Variants in FGGY observed in about 807,000 individuals in gnomAD.
FGGY encodes FGGY carbohydrate kinase domain containing, also known as FGGY carbohydrate kinase domain-containing protein.
A neutral mutation model predicts 71.3 loss-of-function variants in FGGY; 72 were observed. The observed-to-expected ratio is 1.01, with a 90% CI of 0.84 to 1.23. FGGY has a LOEUF of 1.23. FGGY is among the 50% of genes most tolerant of loss of function. The pLI, the probability that FGGY is intolerant of heterozygous loss-of-function variation, is 0.00. For missense variants in FGGY, 668 were observed against 682.3 expected (o/e 0.98, Z 0.23); for synonymous variants, 251 against 250.3 (o/e 1.00, Z -0.02).
At chr1:59,582,695 G>T (rs762543341) in intron 8 of FGGY, among the ~76,000 whole-genome samples, 1 of 149,990 alleles carries the variant, frequency 6.7e-6, no homozygotes, top group Admixed American at 6.6e-5. Context: ...GTCATGGTGC[G>T]TATCCTTCTG....
At chr1:59,565,327 C>T (rs995928806) in intron 8 of FGGY, among the ~76,000 whole-genome samples, 47 of 152,048 alleles carry the variant, frequency 3.1e-4, no homozygotes, top group Admixed American at 2.0e-4. Context: ...CACTCTTGCT[C>T]AGGCTGGGGT....
chr1:59,596,528 T>C (rs1033758796), intron 8 of FGGY, among the ~76,000 whole-genome samples: 27 of 152,074 alleles, frequency 1.8e-4, no homozygotes, highest in Admixed American at 9.8e-4. Context: ...TAAGTCTTGG[T>C]TCTGCCCTAT....
intron 8 of FGGY, among the ~76,000 whole-genome samples, chr1:59,596,206 TA>T (rs1306063145): frequency 6.6e-6 from 1 of 152,076 alleles, no homozygotes; most frequent in African/African-American, 2.4e-5. Flanking sequence ...CTTTTTTTTT[TA>T]ACATGAGGCT....
intron 6 of FGGY, among the ~76,000 whole-genome samples, chr1:59,501,566 A>G (rs559874355): frequency 1.3e-5 from 2 of 152,180 alleles, no homozygotes; most frequent in South Asian, 2.1e-4. Flanking sequence ...AACTGTTTGC[A>G]TGGGTCTTGA....
intron 8 of FGGY, among the ~76,000 whole-genome samples, chr1:59,571,131 T>C (rs534545192): frequency 2.0e-5 from 3 of 152,298 alleles, no homozygotes; most frequent in African/African-American, 7.2e-5. Context: ...TCTGTGTTCA[T>C]TGCATTGACA....
chr1:59,639,566 T>C (rs1318522859), intron 11 of FGGY, among the ~76,000 whole-genome samples: 1 of 152,136 alleles, frequency 6.6e-6, no homozygotes, highest in Non-Finnish European at 1.5e-5. Flanking sequence ...GATAACCAAC[T>C]CTCTCTGTAA....
intron 11 of FGGY, among the ~76,000 whole-genome samples, chr1:59,658,707 A>G (rs1336258691): frequency 6.6e-6 from 1 of 152,206 alleles, no homozygotes; most frequent in East Asian, 1.9e-4. Flanking sequence ...GCATTTAAGA[A>G]CAGTCGATCT....
At chr1:59,593,927 A>G (rs2096488198) in intron 8 of FGGY, among the ~76,000 whole-genome samples, 1 of 152,198 alleles carries the variant, frequency 6.6e-6, no homozygotes, top group African/African-American at 2.4e-5. Context: ...CCTATCCCAT[A>G]TTAGGCAGCT....
At chr1:59,329,325 C>A (rs569922053) in intron 2 of FGGY, among the ~76,000 whole-genome samples, 2 of 152,160 alleles carry the variant, frequency 1.3e-5, no homozygotes, top group South Asian at 2.1e-4. Flanking sequence ...AAAAAAGGTA[C>A]CTTAATTAAA....
intron 5 of FGGY, among the ~76,000 whole-genome samples, chr1:59,449,382 C>T (rs1239284713): frequency 1.3e-5 from 2 of 152,186 alleles, no homozygotes; most frequent in South Asian, 2.1e-4. Flanking sequence ...CTTCCAGGTT[C>T]AAGCAATTCT....
chr1:59,542,936 G>T (rs1326235892), intron 7 of FGGY, among the ~76,000 whole-genome samples: 1 of 152,146 alleles, frequency 6.6e-6, no homozygotes, highest in African/African-American at 2.4e-5. Context: ...AGAGAAAGGA[G>T]AACCAAGCTT....
intron 9 of FGGY, among the ~76,000 whole-genome samples, chr1:59,611,502 T>G (rs1368316882): frequency 6.6e-6 from 1 of 152,058 alleles, no homozygotes; most frequent in South Asian, 2.1e-4. Flanking sequence ...AATCTGTACG[T>G]CACCATCATC....
At chr1:59,409,397 G>A (rs1027920580) in intron 5 of FGGY, among the ~76,000 whole-genome samples, 1 of 152,098 alleles carries the variant, frequency 6.6e-6, no homozygotes, top group African/African-American at 2.4e-5. Flanking sequence ...ACTGCTTCCA[G>A]ACCTTCAGCC....
intron 11 of FGGY, among the ~76,000 whole-genome samples, chr1:59,641,590 C>T (rs2097028022): frequency 6.6e-6 from 1 of 152,218 alleles, no homozygotes; most frequent in Non-Finnish European, 1.5e-5. Context: ...ATGCTCAATA[C>T]ATGTCTGACT....
rs115737102 is a variant in FGGY, at chr1:59,660,211, G to A, written c.1222-8G>A. 6.2e-7 allele frequency: 1 copy of A among 1,612,904 alleles called. No individual in the cohort carries two copies. The highest frequency in any genetic ancestry group is 1.7e-5 in the Admixed American group (1 of 60,012). The stretch of plus-strand genomic sequence containing the variant: ...CATCTTCTTCTTTTCTTCCCTTCAT[G>A]CCTGCAGGTCACCGGATTGAAACTG... On this transcript the variant is annotated splice_polypyrimidine_tract_variant and splice_region_variant and intron_variant, in intron 11 of 15. Coordinates refer to ENST00000303721, the MANE Select transcript of FGGY (RefSeq NM_018291.5).
At chr1:59,504,841 C>T (rs1425740648) in intron 6 of FGGY, among the ~76,000 whole-genome samples, 3 of 152,018 alleles carry the variant, frequency 2.0e-5, no homozygotes, top group Admixed American at 1.3e-4. Context: ...ATGTTTTTGT[C>T]TAAATTAATT....
At chr1:59,694,592 C>T (rs940504912) in intron 14 of FGGY, among the ~76,000 whole-genome samples, 3 of 151,910 alleles carry the variant, frequency 2.0e-5, no homozygotes, top group Admixed American at 6.6e-5. Flanking sequence ...AAGGTCTCCA[C>T]AGGCCAGGAT....
chr1:59,601,710 G>A (rs952870348), intron 8 of FGGY, among the ~76,000 whole-genome samples: 11 of 152,166 alleles, frequency 7.2e-5, no homozygotes, highest in African/African-American at 2.7e-4. Context: ...ACTTCGGGAG[G>A]ACGGAGACTA....
intron 8 of FGGY, among the ~76,000 whole-genome samples, chr1:59,588,566 G>T (rs1160430644): frequency 6.6e-6 from 1 of 152,188 alleles, no homozygotes; most frequent in Non-Finnish European, 1.5e-5. Context: ...ACAAAGGGAA[G>T]CCCATCAGAC....
Sources: gnomAD v4.1 joint callset for allele counts (sites outside exome capture counted in the v4.1 genomes callset) on GRCh38, gnomAD v4.1.1 for gene constraint, MANE v1.5 for transcripts, NCBI Gene and HGNC (gene_info 2026-07-23, HGNC 2026-07-21) for gene names.